LUZP2: variants seen among roughly 807,000 people sequenced by gnomAD.
The protein encoded by LUZP2 is leucine zipper protein 2.
A neutral mutation model predicts 51.6 loss-of-function variants in LUZP2; 52 were observed. The ratio of observed to expected loss-of-function variants is 1.01; its 90% CI spans 0.81 to 1.27. The LOEUF is 1.27. Among genes scored for constraint, LUZP2 ranks in the 50% most tolerant of loss-of-function variants. LUZP2 has a pLI of 0.00. For synonymous variants in LUZP2, 154 were observed against 137.3 expected, an observed-to-expected ratio of 1.12 and a Z score of -0.85; for missense variants, 436 against 395.4, an observed-to-expected ratio of 1.10 and a Z score of -0.87.
intron 1 of LUZP2, among the ~76,000 whole-genome samples, chr11:24,625,292 T>C (rs1033295840): frequency 1.3e-5 from 2 of 151,478 alleles, no homozygotes; most frequent in African/African-American, 2.4e-5. Context: ...AGTTTCAGTA[T>C]GTATTGTATA....
At chr11:24,841,429 C>T (rs1468928931) in intron 5 of LUZP2, among the ~76,000 whole-genome samples, 2 of 151,942 alleles carry the variant, frequency 1.3e-5, no homozygotes, top group East Asian at 3.9e-4. Context: ...TACACCAGCC[C>T]AAACTAGGTC....
At chr11:25,075,616 A>G (rs1410774208) in intron 10 of LUZP2, among the ~76,000 whole-genome samples, 2 of 152,170 alleles carry the variant, frequency 1.3e-5, no homozygotes, top group Non-Finnish European at 2.9e-5. Context: ...TGTTATAAGC[A>G]TTACCTTTAG....
chr11:24,554,405 C>T (rs926970926), intron 1 of LUZP2, among the ~76,000 whole-genome samples: 1 of 152,072 alleles, frequency 6.6e-6, no homozygotes, highest in Non-Finnish European at 1.5e-5. Context: ...TAATATTTAA[C>T]ATGATTTTCT....
At chr11:24,888,403 C>A (rs11028253) in intron 5 of LUZP2, among the ~76,000 whole-genome samples, 9,484 of 152,056 alleles carry the variant, frequency 0.062, 950 homozygotes, top group African/African-American at 0.21. Context: ...TTTGGTTTTA[C>A]AGCCAAAAGT....
chr11:24,535,796 A>C (rs1851159223), intron 1 of LUZP2, among the ~76,000 whole-genome samples: 1 of 151,632 alleles, frequency 6.6e-6, no homozygotes, highest in Non-Finnish European at 1.5e-5. Flanking sequence ...TGACTTACAA[A>C]TGTTCTTAAT....
intron 1 of LUZP2, among the ~76,000 whole-genome samples, chr11:24,529,206 T>C (rs891388344): frequency 6.6e-6 from 1 of 151,216 alleles, no homozygotes; most frequent in Admixed American, 6.6e-5. Flanking sequence ...ATGTCTGTTT[T>C]GATCATTTTG....
intron 4 of LUZP2, among the ~76,000 whole-genome samples, chr11:24,743,517 A>G (rs556029135): frequency 5.3e-5 from 8 of 152,124 alleles, no homozygotes; most frequent in African/African-American, 1.7e-4. Context: ...GAGAAGAGCT[A>G]CAGATTTGTG....
At chr11:24,509,885 A>G (rs1365677145) in intron 1 of LUZP2, among the ~76,000 whole-genome samples, 1 of 152,088 alleles carries the variant, frequency 6.6e-6, no homozygotes, top group African/African-American at 2.4e-5. Context: ...TCCCCTATAT[A>G]TTCTTTTACT....
rs77662056 is a variant in LUZP2 at position 25,074,308 on chromosome 11, G to A, written c.859-3021G>A. Among the ~76,000 whole-genome samples, 842 of 152,168 alleles carry A rather than the reference G, an allele frequency of 5.5e-3. 8 individuals carry two copies. Among genetic ancestry groups the A allele is most frequent in the African/African-American group, 0.019 (800 of 41,526 alleles). On this transcript the variant is annotated intron_variant, in intron 10 of 11. Transcript: ENST00000336930. ...GTATAGTAATGTGGCCTTATCTCTGGTGCCTCTCTGAGACTCACTAACAAT... is the reference window on the plus strand; with the variant it reads ...GTATAGTAATGTGGCCTTATCTCTGATGCCTCTCTGAGACTCACTAACAAT...
intron 1 of LUZP2, among the ~76,000 whole-genome samples, chr11:24,645,745 T>C (rs557007954): frequency 1.4e-5 from 2 of 147,130 alleles, no homozygotes; most frequent in South Asian, 4.1e-4. Flanking sequence ...ATCTGGCTTG[T>C]TATTATGGTA....
chr11:24,738,407 G>T (rs1590425188), intron 4 of LUZP2, 105 bp downstream of exon 4: 2 of 740,916 alleles, frequency 2.7e-6, no homozygotes, highest in East Asian at 5.3e-5. Context: ...AAATAAAAGT[G>T]AAAAGACAAT....
At chr11:24,506,713 A>C (rs982464544) in intron 1 of LUZP2, among the ~76,000 whole-genome samples, 2 of 152,012 alleles carry the variant, frequency 1.3e-5, no homozygotes, top group African/African-American at 4.8e-5. Flanking sequence ...CTTAATCCTT[A>C]CCTATGACAA....
intron 7 of LUZP2, among the ~76,000 whole-genome samples, chr11:24,929,890 G>A (rs534347238): frequency 2.1e-4 from 32 of 151,928 alleles, no homozygotes; most frequent in Admixed American, 4.6e-4. Flanking sequence ...AGTAGTTATC[G>A]TCTTATAAAT....
At chr11:24,867,367 T>C (rs1376549507) in intron 5 of LUZP2, among the ~76,000 whole-genome samples, 1 of 152,166 alleles carries the variant, frequency 6.6e-6, no homozygotes, top group African/African-American at 2.4e-5. Flanking sequence ...CAAAAAGGCA[T>C]TGGGTTTAGT....
At chr11:24,596,250 A>G (rs1853441536) in intron 1 of LUZP2, among the ~76,000 whole-genome samples, 1 of 152,218 alleles carries the variant, frequency 6.6e-6, no homozygotes, top group African/African-American at 2.4e-5. Flanking sequence ...CAAACAATAC[A>G]GTACTTTTAA....
intron 1 of LUZP2, chr11:24,646,601 T>A: frequency 1.0e-6 from 1 of 985,096 alleles, no homozygotes. Context: ...GAAAGACTGG[T>A]TGAGTTTGTC....
intron 1 of LUZP2, among the ~76,000 whole-genome samples, chr11:24,534,362 T>G (rs551798456): frequency 1.3e-5 from 2 of 150,686 alleles, no homozygotes; most frequent in African/African-American, 4.9e-5. Flanking sequence ...TTTCTATATA[T>G]TTACATATAG....
intron 1 of LUZP2, among the ~76,000 whole-genome samples, chr11:24,684,922 G>A (rs891725284): frequency 1.4e-4 from 21 of 152,020 alleles, no homozygotes; most frequent in Non-Finnish European, 2.4e-4. Context: ...CCTGGATTTC[G>A]GTAGCTGGGA....
chr11:24,985,274 T>C (rs1856157077), intron 9 of LUZP2, among the ~76,000 whole-genome samples: 1 of 151,718 alleles, frequency 6.6e-6, no homozygotes, highest in Admixed American at 6.6e-5. Context: ...GATTTGTTCT[T>C]AGTAGTAGAT....
Sources: gnomAD v4.1 joint callset for allele counts (sites outside exome capture counted in the v4.1 genomes callset) on GRCh38, gnomAD v4.1.1 for gene constraint, MANE v1.5 for transcripts, NCBI Gene and HGNC (gene_info 2026-07-23, HGNC 2026-07-21) for gene names.